PRKCE: variants seen among roughly 807,000 people sequenced by gnomAD.
PRKCE encodes the protein protein kinase C epsilon, also known as protein kinase C epsilon type.
In PRKCE, 16 loss-of-function variants were observed where a neutral mutation model predicts 85.4. That is an observed-to-expected ratio of 0.19 (90% CI 0.13 to 0.28). PRKCE has a LOEUF of 0.28. Ranked by LOEUF, PRKCE falls within the 10% of genes least tolerant of loss-of-function variation. PRKCE has a pLI of 1.00. For synonymous variants in PRKCE, 388 were observed against 371.5 expected, an observed-to-expected ratio of 1.04 and a Z score of -0.51; for missense variants, 573 against 975.2, an observed-to-expected ratio of 0.59 and a Z score of 5.49.
chr2:45,828,054 A>G (rs1307645357), intron 1 of PRKCE, among the ~76,000 whole-genome samples: 1 of 152,228 alleles, frequency 6.6e-6, no homozygotes, highest in Non-Finnish European at 1.5e-5. Flanking sequence ...TAGGCACTGT[A>G]TGGTCATATC....
At chr2:45,672,247 C>T (rs889518244) in intron 1 of PRKCE, among the ~76,000 whole-genome samples, 12 of 129,410 alleles carry the variant, frequency 9.3e-5, no homozygotes, top group African/African-American at 3.6e-4. Flanking sequence ...TCTGTCTATG[C>T]ATCCATCCAT....
intron 2 of PRKCE, among the ~76,000 whole-genome samples, chr2:45,963,169 C>G (rs938893446): frequency 6.6e-6 from 1 of 152,090 alleles, no homozygotes; most frequent in Non-Finnish European, 1.5e-5. Flanking sequence ...AGCTCGTTTC[C>G]TGATCAGTAG....
At chr2:45,927,743 C>G (rs960424641) in intron 2 of PRKCE, among the ~76,000 whole-genome samples, 1 of 152,146 alleles carries the variant, frequency 6.6e-6, no homozygotes, top group Non-Finnish European at 1.5e-5. Context: ...ATTTGTTTTC[C>G]CATTAAATAG....
chr2:45,794,049 T>A (rs1200500269), intron 1 of PRKCE, among the ~76,000 whole-genome samples: 1 of 152,180 alleles, frequency 6.6e-6, no homozygotes, highest in Admixed American at 6.5e-5. Context: ...TGCCTTATTA[T>A]CGTGGGGCAG....
intron 10 of PRKCE, among the ~76,000 whole-genome samples, chr2:46,059,628 A>T (rs959192845): frequency 1.3e-5 from 2 of 152,182 alleles, no homozygotes; most frequent in African/African-American, 4.8e-5. Flanking sequence ...TATTTTAGTT[A>T]TTGCCTACCA....
chr2:45,812,653 C>T (rs1428556059), intron 1 of PRKCE, among the ~76,000 whole-genome samples: 1 of 152,148 alleles, frequency 6.6e-6, no homozygotes, highest in Admixed American at 6.5e-5. Flanking sequence ...CGTGCCTGGC[C>T]CATAGTATTA....
rs576110928 is a variant in PRKCE at position 45,653,908 on chromosome 2, C to T, written c.348+1460C>T. Among the ~76,000 whole-genome samples, 14 of 152,346 alleles carry T rather than the reference C, an allele frequency of 9.2e-5. No individual in the cohort carries two copies. The South Asian group carries it at 2.7e-3, about 29-fold the overall frequency. ...CCCTCATCTCTGCTTCCTTCAGCCC[C>T]CACAACAGAGCTCCCACTCATTCCC... On this transcript the variant is annotated intron_variant, in intron 1 of 14. Coordinates refer to ENST00000306156, the MANE Select transcript of PRKCE (RefSeq NM_005400.3).
At position 45,695,325 on chromosome 2, in the gene PRKCE, G is replaced by T. The variant is rs557012752; in HGVS notation, c.348+42877G>T. 1.1e-4 allele frequency among the ~76,000 whole-genome samples: 16 copies of T among 152,296 alleles called. No individual in the cohort carries two copies. The South Asian group carries it at 3.1e-3, about 30-fold the overall frequency. On this transcript the variant is annotated intron_variant, in intron 1 of 14. Coordinates refer to ENST00000306156, the MANE Select transcript of PRKCE (RefSeq NM_005400.3). ...CACCACCCACAGAAAAGAACCCAGA[G>T]TCAGGCTGGAGGTAGAGAGGTCAAC...
chr2:45,996,091 T>C (rs1054106926), intron 6 of PRKCE, among the ~76,000 whole-genome samples: 1 of 152,220 alleles, frequency 6.6e-6, no homozygotes, highest in Admixed American at 6.5e-5. Context: ...GTGAGATTTA[T>C]ATGTAAATAT....
intron 11 of PRKCE, 24 bp downstream of exon 11, chr2:46,086,386 T>C (rs770934523): frequency 1.8e-5 from 28 of 1,587,582 alleles, no homozygotes; most frequent in Non-Finnish European, 2.2e-5. Flanking sequence ...TCCTCCTCTT[T>C]CCTGAAAGTG....
intron 11 of PRKCE, among the ~76,000 whole-genome samples, chr2:46,124,785 T>C (rs1673686313): frequency 6.6e-6 from 1 of 152,240 alleles, no homozygotes; most frequent in Non-Finnish European, 1.5e-5. Context: ...GCAAAGATCC[T>C]TAGTCACTGT....
At chr2:46,011,093 G>T in intron 10 of PRKCE, 1 of 403,226 alleles carries the variant, frequency 2.5e-6, no homozygotes, top group South Asian at 6.1e-5. Flanking sequence ...TCTGACTCGA[G>T]TATTATTAAC....
At chr2:45,775,362 G>A (rs531779151) in intron 1 of PRKCE, among the ~76,000 whole-genome samples, 6 of 152,264 alleles carry the variant, frequency 3.9e-5, no homozygotes, top group South Asian at 2.1e-4. Flanking sequence ...CACGCAGTCC[G>A]CCCGTTCTCA....
At chr2:46,018,128 C>T (rs1706322785) in intron 10 of PRKCE, among the ~76,000 whole-genome samples, 1 of 152,128 alleles carries the variant, frequency 6.6e-6, no homozygotes, top group South Asian at 2.1e-4. Flanking sequence ...CAGCCTGTTT[C>T]TGGAAATGTT....
chr2:45,929,996 C>T (rs1038411715), intron 2 of PRKCE, among the ~76,000 whole-genome samples: 2 of 152,168 alleles, frequency 1.3e-5, no homozygotes, highest in Non-Finnish European at 2.9e-5. Flanking sequence ...ATGAATCATT[C>T]AATGAATCAA....
intron 1 of PRKCE, among the ~76,000 whole-genome samples, chr2:45,829,713 A>G (rs1368089334): frequency 6.6e-6 from 1 of 152,200 alleles, no homozygotes; most frequent in African/African-American, 2.4e-5. Flanking sequence ...TGACCTTTGG[A>G]AAGTCTGTAT....
chr2:45,885,960 G>A (rs1008411707), intron 2 of PRKCE, among the ~76,000 whole-genome samples: 1 of 152,244 alleles, frequency 6.6e-6, no homozygotes, highest in Non-Finnish European at 1.5e-5. Flanking sequence ...AGAATCAGGT[G>A]TGTAAAGAAT....
At chr2:46,021,811 A>G (rs749048790) in intron 10 of PRKCE, among the ~76,000 whole-genome samples, 2 of 152,098 alleles carry the variant, frequency 1.3e-5, no homozygotes, top group East Asian at 1.9e-4. Context: ...CCCGCCATCT[A>G]TTGGATTTCA....
intron 2 of PRKCE, among the ~76,000 whole-genome samples, chr2:45,947,444 T>C (rs1700318662): frequency 6.6e-6 from 1 of 152,206 alleles, no homozygotes; most frequent in South Asian, 2.1e-4. Flanking sequence ...AAACCAGTGA[T>C]GGTATACTTT....
Sources: gnomAD v4.1 joint callset for allele counts (sites outside exome capture counted in the v4.1 genomes callset) on GRCh38, gnomAD v4.1.1 for gene constraint, MANE v1.5 for transcripts, NCBI Gene and HGNC (gene_info 2026-07-23, HGNC 2026-07-21) for gene names.